PTCH2: variants seen among roughly 807,000 people sequenced by gnomAD.
PTCH2 encodes protein patched homolog 2.
A neutral mutation model predicts 117.9 loss-of-function variants in PTCH2; 96 were observed. That is an observed-to-expected ratio of 0.81 (90% confidence interval 0.69 to 0.96). PTCH2 has a LOEUF of 0.96. PTCH2 is among the 50% of genes least tolerant of loss of function. The pLI is 0.00. For missense variants in PTCH2, 1,379 were observed against 1,562.5 expected (o/e 0.88, Z 1.98); for synonymous variants, 615 against 660.9 (o/e 0.93, Z 1.06).
chr1:44,825,442 T>C (rs1653099483), intron 19 of PTCH2, among the ~76,000 whole-genome samples: 1 of 152,220 alleles, frequency 6.6e-6, no homozygotes, highest in Non-Finnish European at 1.5e-5. Flanking sequence ...CCAGCCCTTA[T>C]TGTCTATCTC....
intron 19 of PTCH2, among the ~76,000 whole-genome samples, chr1:44,825,924 T>C (rs1011132518): frequency 3.4e-5 from 5 of 148,570 alleles, no homozygotes; most frequent in African/African-American, 1.3e-4. Flanking sequence ...CTCAGCTCAC[T>C]GCAACCTTCG....
rs768659000 is a variant in PTCH2 at position 44,829,312 on chromosome 1, G to T, written c.1216C>A (p.Leu406Met). 3.7e-6 allele frequency: 6 copies of T among 1,613,758 alleles called. No individual in the cohort carries two copies. In the East Asian group the frequency reaches 1.3e-4, roughly 36 times the overall value. ...AGCATGGTCACACAGGCATAGGCCAGCTGTGGGGGGAAAGGGCAGTCTCAG... is the reference window on the plus strand; with the variant it reads ...AGCATGGTCACACAGGCATAGGCCATCTGTGGGGGGAAAGGGCAGTCTCAG... ...ARVVGGYLLM[L>M]AYACVTMLRW... The change falls in exon 10 of 22, where the codon CTG becomes ATG. Residue 406 changes from leucine to methionine, a missense_variant and splice_region_variant. Coordinates refer to ENST00000372192, the MANE Select transcript of PTCH2 (RefSeq NM_003738.5).
At chr1:44,836,838 G>A (rs1035657729) in intron 2 of PTCH2, among the ~76,000 whole-genome samples, 2 of 152,206 alleles carry the variant, frequency 1.3e-5, no homozygotes, top group Middle Eastern at 3.2e-3. Flanking sequence ...TGTAGTCCCA[G>A]ATACTACAGA....
Position 44,828,419 on chromosome 1 carries a change from G to A in PTCH2, c.1591-5C>T, listed in dbSNP as rs767808240. The A allele has an allele frequency of 1.2e-6, 2 of 1,614,042 alleles. No individual in the cohort carries two copies. Among genetic ancestry groups the A allele is most frequent in the Non-Finnish European group, 1.7e-6 (2 of 1,180,038 alleles). On this transcript the variant is annotated splice_polypyrimidine_tract_variant and splice_region_variant and intron_variant, in intron 12 of 21. Coordinates refer to ENST00000372192, the MANE Select transcript of PTCH2 (RefSeq NM_003738.5). Reference sequence around the variant, plus strand: ...GCAGCCAACCACTATGGCCGCCTGGGGGACGGACAGGAGGGGAATGAAGGC... The same window carrying A: ...GCAGCCAACCACTATGGCCGCCTGGAGGACGGACAGGAGGGGAATGAAGGC...
rs1180260929 is a variant in PTCH2 at position 44,822,451 on chromosome 1, G to A, written c.3576C>T (p.Asn1192=). ...CTGGACCTGGTCCCCTGGAACTGAG[G>A]TTGCCAGAGCTAGTGGCAGCAGGGG... ...PWSPAATSSG[N]LSSRGPGPAT... The change falls in exon 22 of 22, where the codon AAC becomes AAT. Residue 1192 remains asparagine, a synonymous_variant. Coordinates refer to ENST00000372192, the MANE Select transcript of PTCH2 (RefSeq NM_003738.5). 6.2e-7 allele frequency: 1 copy of A among 1,613,962 alleles called. No homozygotes were observed. Among genetic ancestry groups the A allele is most frequent in the South Asian group, 1.1e-5 (1 of 91,080 alleles).
Position 44,827,948 on chromosome 1 carries a change from C to G in PTCH2, c.1953G>C (p.Glu651Asp), listed in dbSNP as rs2148875822. ...ACTTGCAGGCTGCCTTCTGCCTTGTCTCCTCCTCCTGGCCTAGAAGGTCCC... is the reference window on the plus strand; with the variant it reads ...ACTTGCAGGCTGCCTTCTGCCTTGTGTCCTCCTCCTGGCCTAGAAGGTCCC... ...STRDLLGQEE[E>D]TRQKAACKSL... The change falls in exon 14 of 22, where the codon GAG becomes GAC. Residue 651 changes from glutamate to aspartate, a missense_variant. By Grantham distance (45) the Glu-to-Asp change is conservative (BLOSUM62 2). Coordinates refer to ENST00000372192, the MANE Select transcript of PTCH2 (RefSeq NM_003738.5). 6.2e-7 allele frequency: 1 copy of G among 1,614,208 alleles called. No individual in the cohort carries two copies. The highest frequency in any genetic ancestry group is 8.5e-7 in the Non-Finnish European group (1 of 1,180,044).
chr1:44,826,446 G>A lies in PTCH2; in HGVS notation c.2976+42C>T, dbSNP rs1249185059. 6 of 1,613,652 alleles carry A rather than the reference G, an allele frequency of 3.7e-6. No individual in the cohort carries two copies. Among genetic ancestry groups the A allele is most frequent in the Non-Finnish European group, 5.1e-6 (6 of 1,179,988 alleles). ...CAGGAGGGATGACAGGCTGGGCAGG[G>A]AAGGGTGGGGTGTCTCTGTCCCCAC... On this transcript the variant is annotated intron_variant, in intron 18 of 21. Coordinates refer to ENST00000372192, the MANE Select transcript of PTCH2 (RefSeq NM_003738.5). This position sits in a 1 kb window ranked among gnomAD's most constrained non-coding sequence, Gnocchi z 5.1.
At chr1:44,824,942 G>A (rs1392256338) in intron 19 of PTCH2, among the ~76,000 whole-genome samples, 2 of 152,062 alleles carry the variant, frequency 1.3e-5, no homozygotes, top group Non-Finnish European at 2.9e-5. Context: ...AAAGTGCTGG[G>A]ATTACAGGTG....
downstream of PTCH2, chr1:44,821,658 AG>A (rs1450627643): frequency 1.6e-6 from 1 of 615,210 alleles, no homozygotes; most frequent in Non-Finnish European, 2.0e-6. Context: ...TGGCTCTGAA[AG>A]CCACACAGTG....
At chr1:44,841,799 C>T (rs770824392) in intron 2 of PTCH2, 48 bp downstream of exon 2, 9 of 1,604,110 alleles carry the variant, frequency 5.6e-6, no homozygotes, top group Non-Finnish European at 7.7e-6. Context: ...CCGTTCTTGT[C>T]TTGGGCTCAC....
At chr1:44,820,491 C>T, downstream of PTCH2, 1 of 686,262 alleles carries the variant, frequency 1.5e-6, no homozygotes, top group African/African-American at 1.8e-5. Context: ...GGCACGACCC[C>T]ACCCCTCCTG....
chr1:44,822,285 G>A lies in PTCH2; in HGVS notation c.*130C>T. Reference sequence around the variant, plus strand: ...ATGGATATCAGGGAGGCCCATGACAGCTGGGTCGGGAGAGGGGATGCAGCA... The same window carrying A: ...ATGGATATCAGGGAGGCCCATGACAACTGGGTCGGGAGAGGGGATGCAGCA... On this transcript the variant is annotated 3_prime_UTR_variant, in exon 22 of 22. Transcript: ENST00000372192. 1 of 1,582,814 alleles carries A rather than the reference G, an allele frequency of 6.3e-7. No individual in the cohort carries two copies. Among genetic ancestry groups the A allele is most frequent in the South Asian group, 1.1e-5 (1 of 88,334 alleles).
Position 44,842,769 on chromosome 1 carries a change from C to G in PTCH2, c.72+92G>C, listed in dbSNP as rs1573666335. On this transcript the variant is annotated intron_variant, in intron 1 of 21. Coordinates refer to ENST00000372192, the MANE Select transcript of PTCH2 (RefSeq NM_003738.5). ...ACTTGCCTTCAGACATCTAATGACA[C>G]TCGGCACTTCAAGACATCACAAACC... 9.3e-6 allele frequency: 12 copies of G among 1,288,272 alleles called. No homozygotes were observed. In the East Asian group the frequency reaches 2.8e-4, roughly 30 times the overall value. The allele number at this position is 1,288,272 out of a possible 1,614,324, so 79.8% of individuals were successfully genotyped here.
Position 44,829,904 on chromosome 1 carries a change from C to G in PTCH2, c.935+5G>C. The G allele has an allele frequency of 6.2e-7, 1 of 1,614,048 alleles. No homozygotes were observed. Among genetic ancestry groups the G allele is most frequent in the Non-Finnish European group, 8.5e-7 (1 of 1,179,948 alleles). On this transcript the variant is annotated splice_donor_5th_base_variant and intron_variant, in intron 7 of 21. Coordinates refer to ENST00000372192, the MANE Select transcript of PTCH2 (RefSeq NM_003738.5). ...CCCCTCACCAACTCCCAGAGGAGACCCTACCTCAGCAGCTCTCCTTGGGGG... is the reference window on the plus strand; with the variant it reads ...CCCCTCACCAACTCCCAGAGGAGACGCTACCTCAGCAGCTCTCCTTGGGGG...
At position 44,828,006 on chromosome 1, in the gene PTCH2, C is replaced by T. The variant is rs1446797291; in HGVS notation, c.1895G>A (p.Gly632Asp). 6.2e-7 allele frequency: 1 copy of T among 1,614,186 alleles called. No individual in the cohort carries two copies. The highest frequency in any genetic ancestry group is 1.7e-5 in the Admixed American group (1 of 60,032). ...HLVPPPSDPL[G>D]SELFSPGGST... ...CCCTCCAGGGCTGAAGAGCTCAGAG[C>T]CCAGTGGGTCAGAAGGTGGGGGCAC... The change falls in exon 14 of 22, where the codon GGC (glycine) becomes GAC (aspartate). Residue 632 changes from glycine to aspartate, a missense_variant. Physicochemically the swap from Gly to Asp is moderately conservative, Grantham distance 94. Transcript: ENST00000372192.
At chr1:44,820,278 T>TC (rs527422532), downstream of PTCH2, 718 of 453,118 alleles carry the variant, frequency 1.6e-3, 2 homozygotes, top group Admixed American at 3.3e-3. Flanking sequence ...TCCTTTGCTC[T>TC]CCTATGCTCC....
intron 2 of PTCH2, 95 bp from the exon 3 acceptor site, chr1:44,832,436 G>T: frequency 1.5e-6 from 2 of 1,297,526 alleles, no homozygotes; most frequent in Non-Finnish European, 2.2e-6. Flanking sequence ...CCCCAGACAA[G>T]TGGGAGAGGT....
rs920290585 is a variant in PTCH2 at position 44,826,072 on chromosome 1, C to T, written c.3114+178G>A. ...TGTTGGCCAGGCTGGTTTCGAACTC[C>T]TGACCTCAGGTGATCCACCTGCCTC... is the stretch of plus-strand genomic sequence containing the variant. On this transcript the variant is annotated intron_variant, in intron 19 of 21. Coordinates refer to ENST00000372192, the MANE Select transcript of PTCH2 (RefSeq NM_003738.5). The surrounding 1 kb of genome is among the most constrained non-coding windows in gnomAD (Gnocchi z 5.1). Among the ~76,000 whole-genome samples, 5 of 152,200 alleles carry T rather than the reference C, an allele frequency of 3.3e-5. No individual in the cohort carries two copies. Among genetic ancestry groups the T allele is most frequent in the African/African-American group, 4.8e-5 (2 of 41,438 alleles).
chr1:44,830,301 C>G (rs1653374746), intron 6 of PTCH2, among the ~76,000 whole-genome samples: 1 of 152,136 alleles, frequency 6.6e-6, no homozygotes, highest in African/African-American at 2.4e-5. Flanking sequence ...TTTGCAGGGC[C>G]ACAAAGAAAC....
Sources: gnomAD v4.1 joint callset for allele counts (sites outside exome capture counted in the v4.1 genomes callset) on GRCh38, gnomAD v4.1.1 for gene constraint, Gnocchi (gnomAD v3.1) non-coding constraint, MANE v1.5 for transcripts, NCBI Gene and HGNC (gene_info 2026-07-23, HGNC 2026-07-21) for gene names.